NPM2: variants seen among roughly 807,000 people sequenced by gnomAD.
NPM2 encodes nucleoplasmin-2.
In NPM2, 25 loss-of-function variants were observed where a neutral mutation model predicts 32.0. That is an observed-to-expected ratio of 0.78 (90% CI 0.57 to 1.09). The LOEUF is 1.09. NPM2 is among the 50% of genes least tolerant of loss of function. The pLI, the probability that NPM2 is intolerant of heterozygous loss-of-function variation, is 0.00. For synonymous variants in NPM2, 111 were observed against 94.2 expected (o/e 1.18, Z -1.04); for missense variants, 282 against 259.9 (o/e 1.08, Z -0.58).
rs1363234720 is a variant in NPM2, at chr8:22,036,699, G to A, written c.*17G>A. 3 of 1,544,026 alleles carry A rather than the reference G, an allele frequency of 1.9e-6. No homozygotes were observed. Among genetic ancestry groups the A allele is most frequent in the Non-Finnish European group, 2.6e-6 (3 of 1,145,378 alleles). On this transcript the variant is annotated 3_prime_UTR_variant, in exon 10 of 10. Coordinates refer to ENST00000518119, the MANE Select transcript of NPM2 (RefSeq NM_001286680.2). Reference sequence around the variant, plus strand: ...AAGAAATGAGGAGCCACGCCTTGGGGGGCACGGTGCAAAGTGGGCCTTCCC... The same window carrying A: ...AAGAAATGAGGAGCCACGCCTTGGGAGGCACGGTGCAAAGTGGGCCTTCCC...
In NPM2 at chr8:22,034,164, A is replaced by G. The variant is rs776176581; in HGVS notation, c.420A>G (p.Glu140=). The G allele has an allele frequency of 6.2e-7, 1 of 1,609,246 alleles. No homozygotes were observed. Among genetic ancestry groups the G allele is most frequent in the Non-Finnish European group, 8.5e-7 (1 of 1,177,532 alleles). ...AGGAAGAAGAAGGGGAGGAGGAGGAAGAGGAAGAGGAAGATGATGAGGATG... is the reference window on the plus strand; with the variant it reads ...AGGAAGAAGAAGGGGAGGAGGAGGAGGAGGAAGAGGAAGATGATGAGGATG... ...EEEEEEGEEE[E]EEEEDDEDED... is the part of the protein sequence containing the mutation. Residue 140 remains glutamate (E), a synonymous_variant, in exon 7 of 10, where the codon GAA becomes GAG. Coordinates refer to ENST00000518119, the MANE Select transcript of NPM2 (RefSeq NM_001286680.2).
At chr8:22,032,773 C>A (rs1286505873) in intron 5 of NPM2, among the ~76,000 whole-genome samples, 1 of 152,054 alleles carries the variant, frequency 6.6e-6, no homozygotes, top group Non-Finnish European at 1.5e-5. Context: ...CATGAGGGTC[C>A]TGCCCTCATG....
intron 5 of NPM2, among the ~76,000 whole-genome samples, 170 bp downstream of exon 5, chr8:22,025,942 CTG>C (rs755676119): frequency 6.6e-6 from 1 of 152,136 alleles, no homozygotes; most frequent in Non-Finnish European, 1.5e-5. Context: ...CTTCCTAGAG[CTG>C]TGTGACCTTG....
intron 5 of NPM2, 144 bp from the exon 6 acceptor site, chr8:22,032,986 T>A: frequency 1.6e-6 from 1 of 642,190 alleles, no homozygotes; most frequent in Non-Finnish European, 2.8e-6. Context: ...AGGTTCAAAT[T>A]CTTGGACAGA....
At position 22,025,721 on chromosome 8, in the gene NPM2, G is replaced by C; in HGVS notation, c.219G>C (p.Lys73Asn). The change falls in exon 5 of 10, where the codon AAG becomes AAC. Residue 73 changes from lysine (K) to asparagine (N), a missense_variant. Lys to Asn is a moderately conservative substitution (Grantham distance 94). Coordinates refer to ENST00000518119, the MANE Select transcript of NPM2 (RefSeq NM_001286680.2). ...TGCCCCCAGCAAACCAGGAGGACAA[G>C]AAGATGCAGCCGGTCACCATTGCCT... The part of the protein sequence containing the change: ...EILPPANQED[K>N]KMQPVTIASL... 6.2e-7 allele frequency: 1 copy of C among 1,614,168 alleles called. No homozygotes were observed. Among genetic ancestry groups the C allele is most frequent in the Non-Finnish European group, 8.5e-7 (1 of 1,180,028 alleles).
At chr8:22,030,947 T>A (rs570003431) in intron 5 of NPM2, among the ~76,000 whole-genome samples, 1 of 152,272 alleles carries the variant, frequency 6.6e-6, no homozygotes, top group African/African-American at 2.4e-5. Context: ...GTTTCTTGTA[T>A]GTTTTGTAAT....
intron 8 of NPM2, among the ~76,000 whole-genome samples, chr8:22,035,345 C>T (rs1337947147): frequency 2.6e-5 from 4 of 152,204 alleles, no homozygotes; most frequent in African/African-American, 9.6e-5. Context: ...ACAATCATGG[C>T]TCACTGCAGC....
In NPM2 at chr8:22,034,326, C is replaced by A. The variant is rs544339954; in HGVS notation, c.531+51C>A. 11 of 1,527,332 alleles carry A rather than the reference C, an allele frequency of 7.2e-6. No homozygotes were observed. In the African/African-American group the frequency reaches 1.5e-4, roughly 21 times the overall value. 94.6% of individuals were successfully genotyped at this position (1,527,332 alleles called of 1,614,324 possible). ...GAAGGAAGTGGTACCCCTACAGAAG[C>A]ACTTAAGAGGGGTGGGCCACCGGGA... On this transcript the variant is annotated intron_variant, in intron 7 of 9. Transcript: ENST00000518119.
intron 6 of NPM2, 112 bp downstream of exon 6, chr8:22,033,335 C>A (rs1383940756): frequency 1.1e-6 from 1 of 884,268 alleles, no homozygotes; most frequent in Admixed American, 2.0e-5. Flanking sequence ...GAAGAAAATC[C>A]CCAAAGGCAA....
At chr8:22,028,566 G>A (rs964259234) in intron 5 of NPM2, among the ~76,000 whole-genome samples, 4 of 150,654 alleles carry the variant, frequency 2.7e-5, no homozygotes, top group African/African-American at 4.9e-5. Context: ...CTGACTTCAA[G>A]TGATCCACCT....
At chr8:22,032,477 A>C (rs1003277969) in intron 5 of NPM2, among the ~76,000 whole-genome samples, 1 of 152,214 alleles carries the variant, frequency 6.6e-6, no homozygotes, top group East Asian at 1.9e-4. Context: ...AGCACTGTAC[A>C]TAAAATCATG....
chr8:22,025,228 C>T lies in NPM2; in HGVS notation c.-21C>T, dbSNP rs749964004. 6 of 1,608,108 alleles carry T rather than the reference C, an allele frequency of 3.7e-6. No individual in the cohort carries two copies. The highest frequency in any genetic ancestry group is 4.2e-6 in the Non-Finnish European group (5 of 1,178,438). On this transcript the variant is annotated 5_prime_UTR_variant, in exon 3 of 10. Transcript: ENST00000518119. ...GCCCTCCTTGCAGCTGCCCGGCCAG[C>T]CCGCTTCTCTGCCCGGAGCCATGAA... is the stretch of plus-strand genomic sequence containing the variant.
chr8:22,025,408 C>T, intron 3 of NPM2, 28 bp from the exon 4 acceptor site: 3 of 1,610,110 alleles, frequency 1.9e-6, no homozygotes, highest in Non-Finnish European at 2.5e-6. Flanking sequence ...AATGGAGGGC[C>T]CCACTTCCCT....
In NPM2 at chr8:22,033,232, G is replaced by A; in HGVS notation, c.364+9G>A. On this transcript the variant is annotated intron_variant, in intron 6 of 9. Transcript: ENST00000518119. ...TGGCCAGGAACGTTATGGTAAGTCA[G>A]AGCCTGCGATCAGGAAGGTCCGTGA... is the stretch of plus-strand genomic sequence containing the variant. The A allele has an allele frequency of 6.2e-7, 1 of 1,611,918 alleles. No homozygotes were observed. The highest frequency in any genetic ancestry group is 8.5e-7 in the Non-Finnish European group (1 of 1,178,046).
intron 5 of NPM2, among the ~76,000 whole-genome samples, chr8:22,031,879 AGG>A (rs1800453913): frequency 6.6e-6 from 1 of 152,160 alleles, no homozygotes; most frequent in African/African-American, 2.4e-5. Flanking sequence ...ACTAATCAGA[AGG>A]CATCCTCTCT....
In NPM2 at chr8:22,033,973, A is replaced by T. The variant is rs1800528152; in HGVS notation, c.365-136A>T. ...GTGCCGCCCTGTACAGGTGGCAGGC[A>T]GGTAACCACTGTCAACTCCAGGCTA... On this transcript the variant is annotated intron_variant, in intron 6 of 9. Coordinates refer to ENST00000518119, the MANE Select transcript of NPM2 (RefSeq NM_001286680.2). 3.0e-6 allele frequency: 4 copies of T among 1,342,754 alleles called. No homozygotes were observed. In the Admixed American group the frequency reaches 9.4e-5, roughly 32 times the overall value. 83.2% of individuals were successfully genotyped at this position (1,342,754 alleles called of 1,614,324 possible). A position where few individuals can be genotyped will look rare whatever the true frequency, so the allele number is the denominator to read the frequency against.
intron 5 of NPM2, among the ~76,000 whole-genome samples, chr8:22,028,192 G>A (rs144306174): frequency 7.9e-5 from 12 of 152,206 alleles, no homozygotes; most frequent in African/African-American, 1.7e-4. Context: ...ACACTCATTC[G>A]TTTGTACCCT....
intron 7 of NPM2, 116 bp downstream of exon 7, chr8:22,034,391 C>A: frequency 1.5e-6 from 2 of 1,369,536 alleles, no homozygotes; most frequent in Non-Finnish European, 2.0e-6. Context: ...CAGGATGGGC[C>A]AAGGCCACCT....
At chr8:22,025,794 G>A in intron 5 of NPM2, 22 bp downstream of exon 5, 1 of 1,613,590 alleles carries the variant, frequency 6.2e-7, no homozygotes, top group Non-Finnish European at 8.5e-7. Flanking sequence ...CCTGCTGGCT[G>A]GAAGACTGCT....
Sources: allele counts gnomAD v4.1 joint callset (sites outside exome capture counted in the v4.1 genomes callset), GRCh38; gene constraint gnomAD v4.1.1; transcripts MANE v1.5; gene names NCBI Gene and HGNC (gene_info 2026-07-23, HGNC 2026-07-21).